The following CHLSN variants were observed in gnomAD, a reference collection of about 807,000 sequenced individuals.
CHLSN encodes the protein cholesin.
At chr7:1,054,666 T>G in the CHLSN span, among the ~76,000 whole-genome samples, 1 of 152,126 alleles carries the variant, frequency 6.6e-6, no homozygotes, top group African/African-American at 2.4e-5. Context: ...TCTCTCTGAC[T>G]CCCTGCAAGG....
At chr7:1,064,422 A>T in the CHLSN span, among the ~76,000 whole-genome samples, 1 of 152,112 alleles carries the variant, frequency 6.6e-6, no homozygotes, top group African/African-American at 2.4e-5. Context: ...GGCTGCCCCC[A>T]GCAGGAGACA....
the CHLSN span, among the ~76,000 whole-genome samples, chr7:1,100,745 G>C: frequency 1.3e-5 from 2 of 151,896 alleles, no homozygotes; most frequent in Admixed American, 6.6e-5. Flanking sequence ...CCTGCCTCCC[G>C]GCCTCCACAG....
At chr7:1,048,274 C>T in the CHLSN span, among the ~76,000 whole-genome samples, 1 of 152,154 alleles carries the variant, frequency 6.6e-6, no homozygotes, top group Non-Finnish European at 1.5e-5. Flanking sequence ...TCTGACAGGG[C>T]CCTAAGCAAC....
At chr7:1,027,860 T>TC in the CHLSN span, among the ~76,000 whole-genome samples, 1 of 151,996 alleles carries the variant, frequency 6.6e-6, no homozygotes, top group Admixed American at 6.5e-5. Context: ...AGCTCGTGTC[T>TC]CCCCCGGGGG....
At chr7:1,102,590 T>C in the CHLSN span, among the ~76,000 whole-genome samples, 1 of 152,086 alleles carries the variant, frequency 6.6e-6, no homozygotes, top group African/African-American at 2.4e-5. Context: ...TTTTTTTTTT[T>C]CAGAGCAGGA....
At chr7:1,028,548 C>G in the CHLSN span, 158 of 985,010 alleles carry the variant, frequency 1.6e-4, no homozygotes, top group Non-Finnish European at 1.8e-4. Flanking sequence ...ACGAGGCTCT[C>G]TGGCCGCCCG....
the CHLSN span, among the ~76,000 whole-genome samples, chr7:1,000,946 T>G: frequency 6.6e-6 from 1 of 152,168 alleles, no homozygotes; most frequent in East Asian, 1.9e-4. Flanking sequence ...ATGGGAAGAC[T>G]GTAAGGAACA....
the CHLSN span, among the ~76,000 whole-genome samples, chr7:1,047,967 AAAAACTTCCCCTGCCTGC>A: frequency 6.6e-6 from 1 of 152,168 alleles, no homozygotes; most frequent in African/African-American, 2.4e-5. Flanking sequence ...CAGCACACAT[AAAAACTTCCCCTGCCTGC>A]AAAGAGCTCC....
chr7:1,115,209 G>A, the CHLSN span, among the ~76,000 whole-genome samples: 986 of 152,330 alleles, frequency 6.5e-3, 13 homozygotes, highest in African/African-American at 0.023. Context: ...GTTTCTTGGG[G>A]AGAGGGAAGA....
At chr7:1,041,074 GA>G in the CHLSN span, among the ~76,000 whole-genome samples, 1 of 152,262 alleles carries the variant, frequency 6.6e-6, no homozygotes, top group Non-Finnish European at 1.5e-5. Context: ...GCAGAACATG[GA>G]AAAGGTCCAG....
At chr7:1,071,345 A>C in the CHLSN span, among the ~76,000 whole-genome samples, 1 of 152,186 alleles carries the variant, frequency 6.6e-6, no homozygotes, top group Non-Finnish European at 1.5e-5. Context: ...GAGTGGTGAA[A>C]CCGGAAGGTG....
At chr7:1,029,736 T>C in the CHLSN span, among the ~76,000 whole-genome samples, 100,742 of 152,208 alleles carry the variant, frequency 0.66, 34,939 homozygotes, top group African/African-American at 0.87. Context: ...AGGCCACCCC[T>C]GCCTGGGGAG....
At chr7:1,132,763 G>A in the CHLSN span, among the ~76,000 whole-genome samples, 5 of 148,454 alleles carry the variant, frequency 3.4e-5, no homozygotes, top group Non-Finnish European at 7.4e-5. Context: ...TCACTTATCT[G>A]AGAAGACACT....
chr7:1,135,759 C>T, the CHLSN span, among the ~76,000 whole-genome samples: 1 of 132,056 alleles, frequency 7.6e-6, no homozygotes, highest in Admixed American at 8.4e-5. Context: ...AGTGAGACTC[C>T]ACCTCAAAAA....
the CHLSN span, among the ~76,000 whole-genome samples, chr7:990,371 G>A: frequency 6.6e-6 from 1 of 151,032 alleles, no homozygotes; most frequent in African/African-American, 2.4e-5. Context: ...GTGTGACAGT[G>A]GCGCGTGTGC....
chr7:1,023,865 C>T, the CHLSN span, among the ~76,000 whole-genome samples: 78,588 of 151,974 alleles, frequency 0.52, 22,800 homozygotes, highest in African/African-American at 0.8. The surrounding 1 kb of genome is among the most constrained non-coding windows in gnomAD (Gnocchi z 5.0). Flanking sequence ...TTTTGATACA[C>T]GGTCTTGCTC....
chr7:1,115,722 G>C, the CHLSN span, among the ~76,000 whole-genome samples: 11 of 113,374 alleles, frequency 9.7e-5, no homozygotes, highest in African/African-American at 1.0e-4. Context: ...TCTACGGACC[G>C]GCTTCCATCA....
At chr7:1,112,603 CG>C in the CHLSN span, among the ~76,000 whole-genome samples, 2 of 151,696 alleles carry the variant, frequency 1.3e-5, no homozygotes, top group Non-Finnish European at 2.9e-5. Flanking sequence ...GCACATATCA[CG>C]AGCCTTGGAA....
At chr7:1,042,861 C>A in the CHLSN span, among the ~76,000 whole-genome samples, 1 of 152,156 alleles carries the variant, frequency 6.6e-6, no homozygotes, top group Admixed American at 6.5e-5. Flanking sequence ...AAGTCCCAAA[C>A]CCTGATCTAA....
Sources: gnomAD v4.1 joint callset for allele counts (sites outside exome capture counted in the v4.1 genomes callset) on GRCh38, gnomAD v4.1.1 for gene constraint, Gnocchi (gnomAD v3.1) non-coding constraint, MANE v1.5 for transcripts, NCBI Gene and HGNC (gene_info 2026-07-23, HGNC 2026-07-21) for gene names.